TMEM38B: variants seen among roughly 807,000 people sequenced by gnomAD.
TMEM38B encodes trimeric intracellular cation channel type B.
TMEM38B carries 24 observed loss-of-function variants against 28.7 expected under a neutral mutation model. That is an observed-to-expected ratio of 0.84 (90% CI 0.61 to 1.18). The LOEUF is 1.18. Ranked by LOEUF, TMEM38B falls within the 50% of genes most tolerant of loss-of-function variation. The pLI is 0.00. For synonymous variants in TMEM38B, 131 were observed against 127.7 expected (o/e 1.03, Z -0.17); for missense variants, 380 against 350.9 (o/e 1.08, Z -0.66).
intron 2 of TMEM38B, among the ~76,000 whole-genome samples, chr9:105,715,017 A>G (rs1347864453): frequency 2.6e-5 from 4 of 152,162 alleles, no homozygotes; most frequent in Admixed American, 2.6e-4. Context: ...TGTTACATAT[A>G]TATCTCCTTT....
At chr9:105,715,847 CTGTTT>C (rs1165254955) in intron 2 of TMEM38B, among the ~76,000 whole-genome samples, 1 of 151,980 alleles carries the variant, frequency 6.6e-6, no homozygotes, top group Admixed American at 6.5e-5. Context: ...CAGTTTTGAT[CTGTTT>C]TGTTTGCACA....
At chr9:105,737,371 C>T (rs1837022014) in intron 4 of TMEM38B, among the ~76,000 whole-genome samples, 1 of 152,210 alleles carries the variant, frequency 6.6e-6, no homozygotes, top group Non-Finnish European at 1.5e-5. Flanking sequence ...AGAGTACACA[C>T]CAGAAACTCA....
At chr9:105,736,534 A>G (rs1836987444) in intron 4 of TMEM38B, among the ~76,000 whole-genome samples, 1 of 152,020 alleles carries the variant, frequency 6.6e-6, no homozygotes, top group African/African-American at 2.4e-5. Flanking sequence ...ATCTATCTGT[A>G]TTCTCTTGTG....
chr9:105,728,390 G>C (rs1042707795), intron 4 of TMEM38B, among the ~76,000 whole-genome samples: 2 of 152,018 alleles, frequency 1.3e-5, no homozygotes, highest in Non-Finnish European at 2.9e-5. Context: ...ATGATTTACA[G>C]CTTCATCCGT....
chr9:105,715,690 T>C lies in TMEM38B; in HGVS notation c.270-5847T>C, dbSNP rs1836074699. ...TTTGTGTTTTCTGGTTTGTTTTTTA[T>C]TTTGGAAATGATTTTTTTTCTTTTA... On this transcript the variant is annotated intron_variant, in intron 2 of 5. Coordinates refer to ENST00000374692, the MANE Select transcript of TMEM38B (RefSeq NM_018112.3). Among the ~76,000 whole-genome samples, 3 of 152,120 alleles carry C rather than the reference T, an allele frequency of 2.0e-5. No individual in the cohort carries two copies. In the South Asian group the frequency reaches 6.2e-4, roughly 32 times the overall value.
chr9:105,732,099 A>T (rs1036699285), intron 4 of TMEM38B, among the ~76,000 whole-genome samples: 1 of 152,136 alleles, frequency 6.6e-6, no homozygotes, highest in African/African-American at 2.4e-5. Context: ...GCTGCAAAAA[A>T]GTCTTCTTTT....
rs1826720596 is a variant in TMEM38B, at chr9:105,776,432, A to C, written c.*2352A>C. On this transcript the variant is annotated 3_prime_UTR_variant, in exon 6 of 6. Transcript: ENST00000374692. ...AGACCAAAAGGTAGAGAGATGACAG[A>C]AGGGAGACTCTGATTAGTGTATTTT... is the stretch of plus-strand genomic sequence containing the variant. 6.6e-6 allele frequency: 1 copy of C among 152,102 alleles called. No homozygotes were observed. The highest frequency in any genetic ancestry group is 6.6e-5 in the Admixed American group (1 of 15,258). The allele number at this position is 152,102 out of a possible 1,614,324, so 9.4% of individuals were successfully genotyped here.
At chr9:105,757,249 T>C (rs1417750110) in intron 5 of TMEM38B, among the ~76,000 whole-genome samples, 1 of 152,258 alleles carries the variant, frequency 6.6e-6, no homozygotes, top group Non-Finnish European at 1.5e-5. Context: ...ATTTTGTTCC[T>C]TTTTATGGCT....
At chr9:105,710,248 C>T in intron 2 of TMEM38B, 1 of 562,674 alleles carries the variant, frequency 1.8e-6, no homozygotes, top group South Asian at 2.1e-5. Flanking sequence ...TTCTTGAAGT[C>T]TAGTAAGCAC....
At chr9:105,756,160 A>G (rs754128748) in intron 5 of TMEM38B, among the ~76,000 whole-genome samples, 13 of 152,222 alleles carry the variant, frequency 8.5e-5, no homozygotes, top group Non-Finnish European at 1.9e-4. Flanking sequence ...AAAAACAAAT[A>G]AATAAATAAT....
intron 2 of TMEM38B, among the ~76,000 whole-genome samples, chr9:105,710,083 G>A (rs887071083): frequency 1.3e-5 from 2 of 152,148 alleles, no homozygotes; most frequent in African/African-American, 4.8e-5. Context: ...AAACTTGAGG[G>A]GACTTCAATT....
intron 4 of TMEM38B, among the ~76,000 whole-genome samples, chr9:105,722,854 C>G (rs1400892780): frequency 1.3e-5 from 2 of 151,934 alleles, no homozygotes; most frequent in East Asian, 3.9e-4. Context: ...CCTTAGAAAA[C>G]AAAATCAAAC....
At position 105,705,613 on chromosome 9, in the gene TMEM38B, A is replaced by C. The variant is rs111269819; in HGVS notation, c.129A>C (p.Ala43=). The C allele has an allele frequency of 6.2e-7, 1 of 1,613,634 alleles. No homozygotes were observed. The highest frequency in any genetic ancestry group is 1.3e-5 in the African/African-American group (1 of 74,916). ...VKRQPGAAAL[A]WKNPISSWFT... ...CCATTTCAGGAGCAGCTGCATTGGC[A>C]TGGAAGAATCCTATTTCAAGCTGGT... is the stretch of plus-strand genomic sequence containing the variant. Residue 43 remains alanine (A), a synonymous_variant, in exon 2 of 6, where the codon GCA becomes GCC. Transcript: ENST00000374692.
rs1468631315 is a variant in TMEM38B at position 105,773,943 on chromosome 9, T to C, written c.739T>C (p.Trp247Arg). 1.2e-6 allele frequency: 2 copies of C among 1,613,806 alleles called. No homozygotes were observed. The highest frequency in any genetic ancestry group is 8.5e-7 in the Non-Finnish European group (1 of 1,179,796). Reference protein sequence around the residue: ...EDTLSWMLFGWQQPFSSCEKK... With the variant: ...EDTLSWMLFGRQQPFSSCEKK... ...TACATTGAGTTGGATGCTATTTGGC[T>C]GGCAGCAGCCGTTTTCATCATGTGA... The change falls in exon 6 of 6, where the codon TGG (tryptophan) becomes CGG (arginine). Residue 247 changes from tryptophan (W) to arginine (R), a missense_variant. Coordinates refer to ENST00000374692, the MANE Select transcript of TMEM38B (RefSeq NM_018112.3).
At chr9:105,772,756 G>C (rs75482741) in intron 5 of TMEM38B, among the ~76,000 whole-genome samples, 3,307 of 152,120 alleles carry the variant, frequency 0.022, 115 homozygotes, top group African/African-American at 0.076. Flanking sequence ...ACAATGTTGT[G>C]TGTGGATGTG....
intron 1 of TMEM38B, among the ~76,000 whole-genome samples, chr9:105,700,172 T>C (rs566413620): frequency 5.3e-5 from 8 of 152,292 alleles, no homozygotes; most frequent in Admixed American, 5.2e-4. Context: ...TTTTAGCAAA[T>C]ATTCATTGAA....
At chr9:105,714,825 G>A (rs1301606848) in intron 2 of TMEM38B, among the ~76,000 whole-genome samples, 1 of 152,146 alleles carries the variant, frequency 6.6e-6, no homozygotes, top group Non-Finnish European at 1.5e-5. Flanking sequence ...CTTTTGGTGA[G>A]CAATGGCATT....
At chr9:105,695,037 C>T (rs1403269469) in intron 1 of TMEM38B, among the ~76,000 whole-genome samples, 8 of 152,236 alleles carry the variant, frequency 5.3e-5, no homozygotes, top group Admixed American at 5.2e-4. Context: ...CCTGGGCGAG[C>T]AGGGCCGACC....
rs1826685597 is a variant in TMEM38B at position 105,775,107 on chromosome 9, A to C, written c.*1027A>C. 6.6e-6 allele frequency: 1 copy of C among 152,014 alleles called. No homozygotes were observed. Among genetic ancestry groups the C allele is most frequent in the Admixed American group, 6.6e-5 (1 of 15,240 alleles). The allele number at this position is 152,014 out of a possible 1,614,324, so 9.4% of individuals were successfully genotyped here. ...ACAAGCTTTCGTATGGTTTTGTTAT[A>C]TTTTCATCTACATGTAATGTGTTAT... On this transcript the variant is annotated 3_prime_UTR_variant, in exon 6 of 6. Transcript: ENST00000374692.
Sources: allele counts gnomAD v4.1 joint callset (sites outside exome capture counted in the v4.1 genomes callset), GRCh38; gene constraint gnomAD v4.1.1; transcripts MANE v1.5; gene names NCBI Gene and HGNC (gene_info 2026-07-23, HGNC 2026-07-21).